FRMPD4: variants seen among roughly 807,000 people sequenced by gnomAD.
FRMPD4 encodes FERM and PDZ domain-containing protein 4.
In FRMPD4, 22 loss-of-function variants were observed where a neutral mutation model predicts 94.1. That is an observed-to-expected ratio of 0.23 (90% confidence interval 0.17 to 0.33). FRMPD4 has a LOEUF of 0.33. FRMPD4 is among the 10% of genes least tolerant of loss of function. The pLI, the probability that FRMPD4 is intolerant of heterozygous loss-of-function variation, is 1.00. For missense variants in FRMPD4, 1,111 were observed against 1,339.9 expected (o/e 0.83, Z 2.67); for synonymous variants, 631 against 548.6 (o/e 1.15, Z -2.10).
chrX:11,856,331 G>A (rs1270596088), intron 1 of FRMPD4, among the ~76,000 whole-genome samples: 1 of 111,800 alleles, frequency 8.9e-6, no homozygotes, highest in African/African-American at 3.3e-5. Context: ...ACTGAAACCA[G>A]CAGCACAGCA....
intron 1 of FRMPD4, among the ~76,000 whole-genome samples, chrX:12,466,579 AT>A (rs2057450746): frequency 8.9e-6 from 1 of 112,129 alleles, no homozygotes; most frequent in Non-Finnish European, 1.9e-5. Context: ...ATCTCTGAAA[AT>A]ACATTGGTTT....
At chrX:12,632,321 G>A (rs2059403381) in intron 4 of FRMPD4, among the ~76,000 whole-genome samples, 1 of 111,267 alleles carries the variant, frequency 9.0e-6, no homozygotes, top group Non-Finnish European at 1.9e-5. Context: ...AAGACTATAG[G>A]CATTCTGTGA....
intron 2 of FRMPD4, among the ~76,000 whole-genome samples, chrX:12,560,802 C>T (rs1206684217): frequency 2.9e-5 from 2 of 68,557 alleles, no homozygotes; most frequent in African/African-American, 1.2e-4. Flanking sequence ...CGGAGTCTCG[C>T]TCTGTCGCCC....
intron 2 of FRMPD4, among the ~76,000 whole-genome samples, chrX:12,565,445 C>T (rs749770907): frequency 1.8e-5 from 2 of 112,203 alleles, no homozygotes; most frequent in African/African-American, 6.5e-5. Flanking sequence ...ACACCACTGA[C>T]ATAATATAAC....
At chrX:12,569,647 A>G (rs1463056249) in intron 2 of FRMPD4, among the ~76,000 whole-genome samples, 1 of 112,625 alleles carries the variant, frequency 8.9e-6, no homozygotes, top group Admixed American at 9.4e-5. Flanking sequence ...CTAACACATA[A>G]TTTAATTCAA....
chrX:12,046,602 C>G (rs2147447374), intron 3 of FRMPD4, among the ~76,000 whole-genome samples: 1 of 111,612 alleles, frequency 9.0e-6, no homozygotes, highest in African/African-American at 3.3e-5. Context: ...TTTGCTGAAG[C>G]AGCTCACAGA....
At chrX:12,562,336 G>A (rs772318130) in intron 2 of FRMPD4, among the ~76,000 whole-genome samples, 5 of 112,549 alleles carry the variant, frequency 4.4e-5, no homozygotes, top group Middle Eastern at 4.6e-3. Flanking sequence ...GTCAGCCTTT[G>A]TGAATATTCT....
rs138984910 is a variant in FRMPD4, at chrX:12,498,764, G to A, written c.126G>A (p.Thr42=). 14 of 1,172,633 alleles carry A rather than the reference G, an allele frequency of 1.2e-5. No individual in the cohort carries two copies. The highest frequency in any genetic ancestry group is 4.5e-5 in the Admixed American group (2 of 44,787). The change falls in exon 2 of 17, where the codon ACG becomes ACA. Residue 42 remains threonine, a synonymous_variant. Transcript: ENST00000675598. ...SQVPPYGWEM[T]ANRDGRDYFI... ...TGCCGCCCTATGGATGGGAGATGAC[G>A]GCAAACCGAGATGGGCGAGACTACT...
chrX:12,666,473 A>G (rs931104190), intron 4 of FRMPD4, among the ~76,000 whole-genome samples: 5 of 111,758 alleles, frequency 4.5e-5, no homozygotes, highest in African/African-American at 1.6e-4. Context: ...TCAACAGAAT[A>G]TACATCCTTC....
chrX:11,896,707 C>T (rs773443800), intron 3 of FRMPD4, among the ~76,000 whole-genome samples: 34 of 112,089 alleles, frequency 3.0e-4, no homozygotes, highest in Non-Finnish European at 5.3e-4. Context: ...GGAGTCCTTG[C>T]GTAGTTCATG....
chrX:12,164,187 C>A (rs913706693), intron 1 of FRMPD4, among the ~76,000 whole-genome samples: 8 of 110,741 alleles, frequency 7.2e-5, no homozygotes, highest in Non-Finnish European at 1.5e-4. Context: ...CTAATGCTAT[C>A]CCTCCCCACT....
intron 1 of FRMPD4, among the ~76,000 whole-genome samples, chrX:12,342,499 G>A (rs2055630939): frequency 8.9e-6 from 1 of 112,046 alleles, no homozygotes; most frequent in African/African-American, 3.2e-5. Context: ...TGCCCTTGAT[G>A]GGGTCACGGG....
chrX:12,527,580 A>G (rs1200211847), intron 2 of FRMPD4, among the ~76,000 whole-genome samples: 1 of 104,877 alleles, frequency 9.5e-6, no homozygotes, highest in African/African-American at 3.5e-5. Context: ...TGGTTGGTGC[A>G]TTCTGCTTTG....
At chrX:12,028,947 T>G (rs1361620538) in intron 3 of FRMPD4, among the ~76,000 whole-genome samples, 1 of 112,412 alleles carries the variant, frequency 8.9e-6, no homozygotes, top group Non-Finnish European at 1.9e-5. Context: ...AACATCCATG[T>G]GCAAGTTTTT....
chrX:12,476,449 C>A (rs1367378108), intron 1 of FRMPD4, among the ~76,000 whole-genome samples: 4 of 111,035 alleles, frequency 3.6e-5, no homozygotes, highest in Non-Finnish European at 5.7e-5. Flanking sequence ...GCAACAAAAG[C>A]CAAAATTGAC....
At chrX:11,861,760 G>A (rs1017574024) in intron 1 of FRMPD4, among the ~76,000 whole-genome samples, 3 of 112,048 alleles carry the variant, frequency 2.7e-5, no homozygotes, top group African/African-American at 9.7e-5. Context: ...GGATGGGGTT[G>A]AGAGCATGGT....
At chrX:12,352,044 T>G (rs1414995115) in intron 1 of FRMPD4, among the ~76,000 whole-genome samples, 2 of 111,981 alleles carry the variant, frequency 1.8e-5, no homozygotes, top group African/African-American at 6.5e-5. Context: ...CCAAAAGGTA[T>G]TTTTCATAGG....
At chrX:12,234,796 GAAGAA>G (rs2057053515) in intron 1 of FRMPD4, among the ~76,000 whole-genome samples, 1 of 112,364 alleles carries the variant, frequency 8.9e-6, no homozygotes, top group Non-Finnish European at 1.9e-5. Flanking sequence ...AATTGGAAAA[GAAGAA>G]AACATGCTAA....
At chrX:12,535,029 G>A (rs1007097576) in intron 2 of FRMPD4, among the ~76,000 whole-genome samples, 10 of 111,305 alleles carry the variant, frequency 9.0e-5, no homozygotes, top group Admixed American at 4.8e-4. Context: ...GAGACCTGGT[G>A]GGAGGTAAAT....
Sources: allele counts gnomAD v4.1 joint callset (sites outside exome capture counted in the v4.1 genomes callset), GRCh38; gene constraint gnomAD v4.1.1; transcripts MANE v1.5; gene names NCBI Gene and HGNC (gene_info 2026-07-23, HGNC 2026-07-21).